AHNAK2: variants seen among roughly 807,000 people sequenced by gnomAD.
AHNAK2 encodes AHNAK nucleoprotein 2.
AHNAK2 carries 18 observed loss-of-function variants against 30.7 expected under a neutral mutation model. That is an observed-to-expected ratio of 0.59 (90% CI 0.41 to 0.87). The LOEUF (loss-of-function observed/expected upper bound fraction) is 0.87. AHNAK2 is among the 40% of genes least tolerant of loss of function. The pLI is 0.00. For synonymous variants in AHNAK2, 3,590 were observed against 3,073.8 expected (o/e 1.17, Z -5.56); for missense variants, 8,604 against 7,373.0 (o/e 1.17, Z -6.11).
At chr14:104,967,045 C>T (rs1411386792) in intron 1 of AHNAK2, among the ~76,000 whole-genome samples, 1 of 152,062 alleles carries the variant, frequency 6.6e-6, no homozygotes, top group Non-Finnish European at 1.5e-5. Flanking sequence ...GGTCACTTGG[C>T]CCACAGCTGC....
intron 1 of AHNAK2, among the ~76,000 whole-genome samples, chr14:104,969,882 T>C (rs1457447365): frequency 2.6e-5 from 4 of 152,182 alleles, no homozygotes; most frequent in Admixed American, 2.6e-4. Context: ...GACCCTGTGA[T>C]GGAGCTACCC....
At position 104,953,687 on chromosome 14, in the gene AHNAK2, G is replaced by A; in HGVS notation, c.1764C>T (p.Pro588=). The A allele has an allele frequency of 1.9e-6, 3 of 1,613,680 alleles. No homozygotes were observed. The highest frequency in any genetic ancestry group is 2.5e-6 in the Non-Finnish European group (3 of 1,179,802). ...GCTTGCTTGGCGACCATCCTAAGGA[G>A]GGTATCTTGAACTTGGGCATTCTTA... The part of the protein sequence containing the change: ...GQIRMPKFKI[P]SLGWSPSKHT... Residue 588 remains proline (P), a synonymous_variant, in exon 7 of 7, where the codon CCC becomes CCT. Coordinates refer to ENST00000333244, the MANE Select transcript of AHNAK2 (RefSeq NM_138420.4).
Position 104,943,489 on chromosome 14 carries a change from C to T in AHNAK2, c.11962G>A (p.Glu3988Lys), listed in dbSNP as rs1286372669. ...GGCGCGGTCACATCCACTGATGCCT[C>T]CATGGACTTGCCTGGGGCAGACACC... ...FGVSAPGKSM[E>K]ASVDVTAPKV... Residue 3988 changes from glutamate (E) to lysine (K), a missense_variant, in exon 7 of 7, where the codon GAG (glutamate) becomes AAG (lysine). Glu to Lys is a moderately conservative substitution (Grantham distance 56). Transcript: ENST00000333244. 3 of 1,613,222 alleles carry T rather than the reference C, an allele frequency of 1.9e-6. No individual in the cohort carries two copies. Among genetic ancestry groups the T allele is most frequent in the South Asian group, 1.1e-5 (1 of 91,044 alleles).
chr14:104,939,060 C>A lies in AHNAK2; in HGVS notation c.16391G>T (p.Arg5464Ile). 1 of 1,605,684 alleles carries A rather than the reference C, an allele frequency of 6.2e-7. No individual in the cohort carries two copies. Among genetic ancestry groups the A allele is most frequent in the South Asian group, 1.1e-5 (1 of 89,856 alleles). The change falls in exon 7 of 7, where the codon AGA becomes ATA. Residue 5464 changes from arginine (R) to isoleucine (I), a missense_variant. Transcript: ENST00000333244. ...PLEAPPISKVRVHIQGAQVES... is the reference protein window; with the variant it reads ...PLEAPPISKVIVHIQGAQVES... ...AACCTGAGCACCCTGAATATGCACTCTGACCTTTGAAATTGGGGGAGCTTC... is the reference window on the plus strand; with the variant it reads ...AACCTGAGCACCCTGAATATGCACTATGACCTTTGAAATTGGGGGAGCTTC...
In AHNAK2 at chr14:104,948,748, G is replaced by T. The variant is rs1296260790; in HGVS notation, c.6703C>A (p.His2235Asn). The T allele has an allele frequency of 1.2e-6, 2 of 1,612,030 alleles. No individual in the cohort carries two copies. The highest frequency in any genetic ancestry group is 1.7e-6 in the Non-Finnish European group (2 of 1,179,602). The change falls in exon 7 of 7, where the codon CAC (histidine) becomes AAC (asparagine). Residue 2235 changes from histidine to asparagine, a missense_variant. Coordinates refer to ENST00000333244, the MANE Select transcript of AHNAK2 (RefSeq NM_138420.4). ...PVPEEVGLKG[H>N]LPKLQMPSFK... is the part of the protein sequence containing the mutation. Reference sequence around the variant, plus strand: ...CTGGGCATCTGCAGCTTGGGCAGGTGCCCTTTGAGGCCGACTTCCTCGGGC... The same window carrying T: ...CTGGGCATCTGCAGCTTGGGCAGGTTCCCTTTGAGGCCGACTTCCTCGGGC...
Position 104,954,507 on chromosome 14 carries a change from G to T in AHNAK2, c.944C>A (p.Pro315Gln). 6.2e-7 allele frequency: 1 copy of T among 1,612,146 alleles called. No homozygotes were observed. The highest frequency in any genetic ancestry group is 8.5e-7 in the Non-Finnish European group (1 of 1,179,466). Residue 315 changes from proline to glutamine, a missense_variant, in exon 7 of 7, where the codon CCG becomes CAG. Coordinates refer to ENST00000333244, the MANE Select transcript of AHNAK2 (RefSeq NM_138420.4). This position sits in a 1 kb window ranked among gnomAD's most constrained non-coding sequence, Gnocchi z 4.3. ...GAACTTCCGCCTCCTCTGGCTGCCC[G>T]GCCCTGCCTTCTGCTCTTGGCGCTC... The part of the protein sequence containing the change: ...TVERQEQKAG[P>Q]GSQRRRKFLN...
chr14:104,947,181 T>C lies in AHNAK2; in HGVS notation c.8270A>G (p.Asn2757Ser), dbSNP rs770265979. 5 of 1,612,144 alleles carry C rather than the reference T, an allele frequency of 3.1e-6. No individual in the cohort carries two copies. Among genetic ancestry groups the C allele is most frequent in the African/African-American group, 1.3e-5 (1 of 74,188 alleles). Residue 2757 changes from asparagine (N) to serine (S), a missense_variant, in exon 7 of 7, where the codon AAC becomes AGC. Asn to Ser is a conservative substitution (Grantham distance 46). Coordinates refer to ENST00000333244, the MANE Select transcript of AHNAK2 (RefSeq NM_138420.4). Reference sequence around the variant, plus strand: ...CGCCTTGGGGCCTTTCAGGTCCACGTTGGGGCCCTTAACATCTATCTGGGG... The same window carrying C: ...CGCCTTGGGGCCTTTCAGGTCCACGCTGGGGCCCTTAACATCTATCTGGGG... Reference protein sequence around the residue: ...KGPQIDVKGPNVDLKGPKAEV... With the variant: ...KGPQIDVKGPSVDLKGPKAEV...
chr14:104,952,510 C>T lies in AHNAK2; in HGVS notation c.2941G>A (p.Glu981Lys). The change falls in exon 7 of 7, where the codon GAG (glutamate) becomes AAG (lysine). Residue 981 changes from glutamate (E) to lysine (K), a missense_variant. By Grantham distance (56) the Glu-to-Lys change is moderately conservative. Transcript: ENST00000333244. Reference protein sequence around the residue: ...QKAKLDGAWLEGDLSLADKDV... With the variant: ...QKAKLDGAWLKGDLSLADKDV... ...TTGTCGGCCAGGGACAGGTCCCCCT[C>T]CAGCCACGCACCATCCAGCTTGGCC... The T allele has an allele frequency of 2.5e-6, 4 of 1,612,926 alleles. No individual in the cohort carries two copies. The highest frequency in any genetic ancestry group is 3.4e-6 in the Non-Finnish European group (4 of 1,179,696).
rs747261579 is a variant in AHNAK2 at position 104,942,517 on chromosome 14, C to A, written c.12934G>T (p.Ala4312Ser). 27 of 1,612,638 alleles carry A rather than the reference C, an allele frequency of 1.7e-5. No individual in the cohort carries two copies. The highest frequency in any genetic ancestry group is 2.7e-5 in the African/African-American group (2 of 74,596). The change falls in exon 7 of 7, where the codon GCC (alanine) becomes TCC (serine). Residue 4312 changes from alanine (A) to serine (S), a missense_variant. Transcript: ENST00000333244. ...KFKMPSFGVS[A>S]PGKSIEASLD... Reference sequence around the variant, plus strand: ...GAGGCCTCGATGGACTTGCCTGGGGCAGACACCCCGAACGACGGCATCTTG... The same window carrying A: ...GAGGCCTCGATGGACTTGCCTGGGGAAGACACCCCGAACGACGGCATCTTG...
intron 1 of AHNAK2, among the ~76,000 whole-genome samples, chr14:104,958,308 C>T (rs973887408): frequency 1.3e-5 from 2 of 152,080 alleles, no homozygotes; most frequent in African/African-American, 4.8e-5. Flanking sequence ...ATTAGCCAGG[C>T]ATGGTGGCAC....
In AHNAK2 at chr14:104,955,488, C is replaced by T. The variant is rs1252009122; in HGVS notation, c.461G>A (p.Arg154Lys). 1 of 1,612,828 alleles carries T rather than the reference C, an allele frequency of 6.2e-7. No individual in the cohort carries two copies. The change falls in exon 5 of 7, where the codon AGA becomes AAA. Residue 154 changes from arginine to lysine, a missense_variant. By Grantham distance (26) the Arg-to-Lys change is conservative (BLOSUM62 2). Coordinates refer to ENST00000333244, the MANE Select transcript of AHNAK2 (RefSeq NM_138420.4). Reference protein sequence around the residue: ...DSSAAKLFNLREGDQLLSTTV... With the variant: ...DSSAAKLFNLKEGDQLLSTTV... ...GGATGGAACTGCCATGGCACCTTCTCTCAAGTTAAAAAGCTTGGCGGCTGA... is the reference window on the plus strand; with the variant it reads ...GGATGGAACTGCCATGGCACCTTCTTTCAAGTTAAAAAGCTTGGCGGCTGA...
In AHNAK2 at chr14:104,966,140, G is replaced by A. The variant is rs1262083027; in HGVS notation, c.56-8468C>T. 6.6e-6 allele frequency among the ~76,000 whole-genome samples: 1 copy of A among 152,178 alleles called. No homozygotes were observed. Among genetic ancestry groups the A allele is most frequent in the Non-Finnish European group, 1.5e-5 (1 of 68,012 alleles). ...TCTCCTGGAGGAGGTTCTCTCAAGC[G>A]AAGGAAGAGAAGGGCAGGAGGTGAG... is the stretch of plus-strand genomic sequence containing the variant. On this transcript the variant is annotated intron_variant, in intron 1 of 6. Coordinates refer to ENST00000333244, the MANE Select transcript of AHNAK2 (RefSeq NM_138420.4). This position sits in a 1 kb window ranked among gnomAD's most constrained non-coding sequence, Gnocchi z 4.3.
rs201184803 is a variant in AHNAK2 at position 104,950,862 on chromosome 14, G to T, written c.4589C>A (p.Pro1530His). ...GGCCTTGAGGTCCCCCTGCATGGAG[G>T]GGAGGCTCACGTCGGCCTCCACCTT... is the stretch of plus-strand genomic sequence containing the variant. ...APKVEADVSL[P>H]SMQGDLKATD... The change falls in exon 7 of 7, where the codon CCC becomes CAC. Residue 1530 changes from proline (P) to histidine (H), a missense_variant. Transcript: ENST00000333244. 3 of 1,583,706 alleles carry T rather than the reference G, an allele frequency of 1.9e-6. No homozygotes were observed. The highest frequency in any genetic ancestry group is 1.8e-5 in the Admixed American group (1 of 57,046).
rs1478411046 is a variant in AHNAK2 at position 104,954,089 on chromosome 14, T to C, written c.1362A>G (p.Gly454=). ...CGATCCCGATTTCCAGGCTCTGCAG[T>C]CCCTCGCCTTCACCCTCCCGGCTCA... ...PGMSREGEGE[G]LQSLEIGIAR... Residue 454 remains glycine (G), a synonymous_variant, in exon 7 of 7, where the codon GGA becomes GGG. Coordinates refer to ENST00000333244, the MANE Select transcript of AHNAK2 (RefSeq NM_138420.4). The surrounding 1 kb of genome is among the most constrained non-coding windows in gnomAD (Gnocchi z 4.3). The C allele has an allele frequency of 1.9e-6, 3 of 1,612,924 alleles. No individual in the cohort carries two copies. The highest frequency in any genetic ancestry group is 2.5e-6 in the Non-Finnish European group (3 of 1,179,856).
chr14:104,968,504 C>G (rs1443475697), intron 1 of AHNAK2, among the ~76,000 whole-genome samples: 1 of 152,188 alleles, frequency 6.6e-6, no homozygotes, highest in Non-Finnish European at 1.5e-5. Flanking sequence ...ATTGAGGACT[C>G]CCACCAGCCA....
rs200038646 is a variant in AHNAK2 at position 104,951,190 on chromosome 14, C to A, written c.4261G>T (p.Val1421Leu). The part of the protein sequence containing the change: ...LPKLQMPSFK[V>L]PKVDLKGPEI... ...GGGCCCTTGAGGTCCACTTTGGGCA[C>A]CTTGAAACTGGGCATCTGCAGCTTG... is the stretch of plus-strand genomic sequence containing the variant. Residue 1421 changes from valine (V) to leucine (L), a missense_variant, in exon 7 of 7, where the codon GTG becomes TTG. Val to Leu is a conservative substitution (Grantham distance 32). Coordinates refer to ENST00000333244, the MANE Select transcript of AHNAK2 (RefSeq NM_138420.4). 6 of 1,060,202 alleles carry A rather than the reference C, an allele frequency of 5.7e-6. 1 individual carries two copies. Among genetic ancestry groups the A allele is most frequent in the African/African-American group, 4.5e-5 (3 of 67,178 alleles). The allele number at this position is 1,060,202 out of a possible 1,614,324, so 65.7% of individuals were successfully genotyped here. A position where few individuals can be genotyped will look rare whatever the true frequency, so the allele number is the denominator to read the frequency against.
At chr14:104,971,460 G>A (rs950618578) in intron 1 of AHNAK2, among the ~76,000 whole-genome samples, 6 of 152,036 alleles carry the variant, frequency 3.9e-5, no homozygotes, top group Non-Finnish European at 7.4e-5. Flanking sequence ...GTGTTGCCCT[G>A]GCTAGTCTCA....
Position 104,953,481 on chromosome 14 carries a change from A to C in AHNAK2, c.1970T>G (p.Leu657Ter). The change falls in exon 7 of 7, where the codon TTA becomes TGA. Residue 657 changes from leucine to a stop codon, truncating the protein, a stop_gained. Coordinates refer to ENST00000333244, the MANE Select transcript of AHNAK2 (RefSeq NM_138420.4). LOFTEE classifies it low-confidence loss of function (END_TRUNC). ...KIQLIHDEKR[L>*]KKEQILTEKE... ...TTCTGTCAGAATTTGTTCCTTTTTT[A>C]AGCGTTTTTCATCGTGTATTAGTTG... 3 of 1,613,714 alleles carry C rather than the reference A, an allele frequency of 1.9e-6. No homozygotes were observed. The highest frequency in any genetic ancestry group is 2.2e-5 in the South Asian group (2 of 91,072).
Position 104,978,364 on chromosome 14 carries a change from G to T in AHNAK2, c.-127C>A. On this transcript the variant is annotated 5_prime_UTR_variant, in exon 1 of 7. Transcript: ENST00000333244. ...CTGCCCTGCGCTGCCGCGGGCGGCC[G>T]ACCTCGGACTGCGGACACCGCGCGC... 3.3e-6 allele frequency: 2 copies of T among 610,792 alleles called. No individual in the cohort carries two copies. The highest frequency in any genetic ancestry group is 4.2e-6 in the Non-Finnish European group (2 of 479,278). The allele number at this position is 610,792 out of a possible 1,614,324, so 37.8% of individuals were successfully genotyped here. A position where few individuals can be genotyped will look rare whatever the true frequency, so the allele number is the denominator to read the frequency against.
Sources: allele counts gnomAD v4.1 joint callset (sites outside exome capture counted in the v4.1 genomes callset), GRCh38; gene constraint gnomAD v4.1.1; non-coding constraint Gnocchi (gnomAD v3.1); transcripts MANE v1.5; gene names NCBI Gene and HGNC (gene_info 2026-07-23, HGNC 2026-07-21).